The following ABCG1 variants were observed in gnomAD, a reference collection of about 807,000 sequenced individuals.
The protein encoded by ABCG1 is ATP binding cassette subfamily G member 1, also known as ATP-binding cassette sub-family G member 1.
ABCG1 carries 29 observed loss-of-function variants against 69.2 expected under a neutral mutation model. That is an observed-to-expected ratio of 0.42 (90% CI 0.31 to 0.57). The LOEUF is 0.57. ABCG1 is among the 20% of genes least tolerant of loss of function. ABCG1 has a pLI of 0.15. For missense variants in ABCG1, 718 were observed against 898.1 expected (o/e 0.80, Z 2.56); for synonymous variants, 370 against 374.8 (o/e 0.99, Z 0.15).
intron 5 of ABCG1, among the ~76,000 whole-genome samples, chr21:42,281,220 C>T (rs1258010635): frequency 6.6e-6 from 1 of 152,200 alleles, no homozygotes; most frequent in Non-Finnish European, 1.5e-5. Context: ...CTAGAGGAGC[C>T]GCTGGAGTAG....
chr21:42,218,590 T>A (rs1277333087), upstream of ABCG1, among the ~76,000 whole-genome samples: 1 of 152,208 alleles, frequency 6.6e-6, no homozygotes, highest in African/African-American at 2.4e-5. Flanking sequence ...CATGTGTGAG[T>A]GCACACGATG....
At chr21:42,269,079 C>T (rs2068569555) in intron 2 of ABCG1, among the ~76,000 whole-genome samples, 1 of 152,204 alleles carries the variant, frequency 6.6e-6, no homozygotes, top group South Asian at 2.1e-4. Flanking sequence ...TGGCCATAGT[C>T]AGATGATGGC....
intron 2 of ABCG1, among the ~76,000 whole-genome samples, chr21:42,261,976 C>A (rs1302445627): frequency 6.6e-6 from 1 of 152,210 alleles, no homozygotes; most frequent in Non-Finnish European, 1.5e-5. Flanking sequence ...AATGACCGAT[C>A]TTCCCCAGGG....
intron 5 of ABCG1, among the ~76,000 whole-genome samples, chr21:42,278,936 A>G (rs2068757357): frequency 6.6e-6 from 1 of 151,884 alleles, no homozygotes; most frequent in African/African-American, 2.4e-5. Context: ...ACAAGAGGAG[A>G]GGCCGGCAAG....
chr21:42,267,446 G>T (rs941295516), intron 2 of ABCG1, among the ~76,000 whole-genome samples: 3 of 149,990 alleles, frequency 2.0e-5, no homozygotes, highest in African/African-American at 7.5e-5. Flanking sequence ...TGTGGTCCGA[G>T]TTCTGTCTGG....
At chr21:42,209,320 C>A (rs1247643736) in intron 2 of ABCG1, among the ~76,000 whole-genome samples, 1 of 152,210 alleles carries the variant, frequency 6.6e-6, no homozygotes, top group Non-Finnish European at 1.5e-5. Flanking sequence ...CCTCCTACCC[C>A]ACAGGGCGTT....
chr21:42,295,977 G>A (rs2069200711), intron 14 of ABCG1, among the ~76,000 whole-genome samples, 187 bp from the exon 15 acceptor site: 1 of 152,194 alleles, frequency 6.6e-6, no homozygotes, highest in Admixed American at 6.5e-5. Context: ...AAACATAGTG[G>A]AGCTGTTGCA....
chr21:42,209,773 G>A (rs2067571963), intron 2 of ABCG1, among the ~76,000 whole-genome samples: 1 of 152,236 alleles, frequency 6.6e-6, no homozygotes. Context: ...TGCCGGCCAT[G>A]GCTTTCAAAT....
intron 5 of ABCG1, among the ~76,000 whole-genome samples, chr21:42,277,468 A>AT (rs34761716): frequency 0.14 from 21,024 of 149,324 alleles, 2,081 homozygotes; most frequent in African/African-American, 0.29. Context: ...CCCTTTAGCC[A>AT]TTTTTTTTTT....
At chr21:42,249,758 C>T (rs1279500785) in intron 2 of ABCG1, among the ~76,000 whole-genome samples, 1 of 152,110 alleles carries the variant, frequency 6.6e-6, no homozygotes, top group Non-Finnish European at 1.5e-5. Context: ...GTAATCCCGG[C>T]ACTTTGGGAG....
chr21:42,294,283 C>T (rs888547878), intron 13 of ABCG1, among the ~76,000 whole-genome samples: 3 of 152,206 alleles, frequency 2.0e-5, no homozygotes, highest in Non-Finnish European at 4.4e-5. Flanking sequence ...GGCCTGGGGA[C>T]ATCCACTGGG....
chr21:42,260,786 T>TCCCCAAAG (rs2068394699), intron 2 of ABCG1, among the ~76,000 whole-genome samples: 1 of 151,164 alleles, frequency 6.6e-6, no homozygotes, highest in African/African-American at 2.4e-5. Context: ...TACCCACTTT[T>TCCCCAAAG]CCCCACAGCC....
chr21:42,290,408 T>A (rs1215591318), intron 11 of ABCG1, among the ~76,000 whole-genome samples, 190 bp downstream of exon 11: 1 of 152,230 alleles, frequency 6.6e-6, no homozygotes, highest in African/African-American at 2.4e-5. Flanking sequence ...AATACAATAC[T>A]TAAGCCAAAG....
rs144727936 is a variant in ABCG1, at chr21:42,274,382, G to A, written c.537+947G>A. Among the ~76,000 whole-genome samples the A allele has an allele frequency of 3.1e-3, 468 of 152,134 alleles. 2 individuals are homozygous for A. Among genetic ancestry groups the A allele is most frequent in the Middle Eastern group, 0.01 (3 of 292 alleles). ...TCTTGGGGCCACAGAAGGGTCCAGG[G>A]GATATCCTCTGCCTGGGTTTCTGGA... On this transcript the variant is annotated intron_variant, in intron 4 of 14. Coordinates refer to ENST00000398449, the MANE Select transcript of ABCG1 (RefSeq NM_016818.3).
At chr21:42,213,223 G>A (rs1256843004), upstream of ABCG1, among the ~76,000 whole-genome samples, 1 of 152,238 alleles carries the variant, frequency 6.6e-6, no homozygotes, top group Non-Finnish European at 1.5e-5. Context: ...CCCATCACAG[G>A]CCCAGGGTGC....
intron 2 of ABCG1, among the ~76,000 whole-genome samples, chr21:42,235,898 GA>G (rs1292485178): frequency 6.6e-6 from 1 of 152,236 alleles, no homozygotes; most frequent in African/African-American, 2.4e-5. Context: ...GCCAAGGAGG[GA>G]GTCCATCCCC....
In ABCG1 at chr21:42,271,064, T is replaced by G; in HGVS notation, c.287-6T>G. ...ATGAATATGAATATGATCTGCTTTT[T>G]TGCAGGATACAAGACCCTCCTGAAA... On this transcript the variant is annotated splice_polypyrimidine_tract_variant and splice_region_variant and intron_variant, in intron 2 of 14. Transcript: ENST00000398449. The G allele has an allele frequency of 6.7e-7, 1 of 1,486,506 alleles. No homozygotes were observed. Among genetic ancestry groups the G allele is most frequent in the Non-Finnish European group, 9.0e-7 (1 of 1,116,412 alleles). 92.1% of individuals were successfully genotyped at this position (1,486,506 alleles called of 1,614,324 possible). A position where few individuals can be genotyped will look rare whatever the true frequency, so the allele number is the denominator to read the frequency against.
rs2068654123 is a variant in ABCG1, at chr21:42,273,461, C to G, written c.537+26C>G. 13 of 1,580,230 alleles carry G rather than the reference C, an allele frequency of 8.2e-6. No individual in the cohort carries two copies. The highest frequency in any genetic ancestry group is 1.1e-5 in the Non-Finnish European group (13 of 1,155,904). The stretch of plus-strand genomic sequence containing the variant: ...GTGAGCTCCGCCCTGCCCCGCCCCA[C>G]TCCGCCCCTGCCGCCTGTCCCCAGC... On this transcript the variant is annotated intron_variant, in intron 4 of 14. Transcript: ENST00000398449. The surrounding 1 kb of genome is among the most constrained non-coding windows in gnomAD (Gnocchi z 5.3).
upstream of ABCG1, among the ~76,000 whole-genome samples, chr21:42,218,175 T>A (rs2067663617): frequency 6.6e-6 from 1 of 152,070 alleles, no homozygotes; most frequent in African/African-American, 2.4e-5. Flanking sequence ...TCATCTGAGG[T>A]GTGGTTGGGA....
Sources: gnomAD v4.1 joint callset for allele counts (sites outside exome capture counted in the v4.1 genomes callset) on GRCh38, gnomAD v4.1.1 for gene constraint, Gnocchi (gnomAD v3.1) non-coding constraint, MANE v1.5 for transcripts, NCBI Gene and HGNC (gene_info 2026-07-23, HGNC 2026-07-21) for gene names.